LRIG3: variants seen among roughly 807,000 people sequenced by gnomAD.
The protein encoded by LRIG3 is leucine-rich repeats and immunoglobulin-like domains protein 3.
A neutral mutation model predicts 114.5 loss-of-function variants in LRIG3; 76 were observed. That is an observed-to-expected ratio of 0.66 (90% CI 0.55 to 0.80). The LOEUF (loss-of-function observed/expected upper bound fraction) is 0.80. Ranked by LOEUF, LRIG3 falls within the 30% of genes least tolerant of loss-of-function variation. The probability of loss-of-function intolerance (pLI) is 0.00; values close to 1 mark genes in which losing one functional copy is unlikely to be tolerated. For synonymous variants in LRIG3, 512 were observed against 519.8 expected, an observed-to-expected ratio of 0.98 and a Z score of 0.20; for missense variants, 1,239 against 1,382.8, an observed-to-expected ratio of 0.90 and a Z score of 1.65.
chr12:58,887,939 A>G lies in LRIG3; in HGVS notation c.948-7T>C, dbSNP rs1341362200. ...GTGATTGAAAGTTAGGTCCCTGTAA[A>G]GAAAAAAGAGAAAAGCAATAGCTTT... is the stretch of plus-strand genomic sequence containing the variant. On this transcript the variant is annotated splice_region_variant and splice_polypyrimidine_tract_variant and intron_variant, in intron 7 of 18. Coordinates refer to ENST00000320743, the MANE Select transcript of LRIG3 (RefSeq NM_153377.5). The G allele has an allele frequency of 7.5e-6, 12 of 1,603,684 alleles. No individual in the cohort carries two copies. The highest frequency in any genetic ancestry group is 1.3e-5 in the African/African-American group (1 of 74,260).
intron 9 of LRIG3, among the ~76,000 whole-genome samples, chr12:58,886,450 A>T (rs988499046): frequency 1.3e-5 from 2 of 152,060 alleles, no homozygotes; most frequent in African/African-American, 4.8e-5. Context: ...TCATTAAAAA[A>T]ATTCCTACGG....
chr12:58,885,784 C>T, intron 10 of LRIG3, 47 bp downstream of exon 10: 1 of 1,335,844 alleles, frequency 7.5e-7, no homozygotes, highest in Non-Finnish European at 1.0e-6. Flanking sequence ...TAAGTAAAAA[C>T]CATCTTAGAG....
rs17121723 is a variant in LRIG3 at position 58,908,519 on chromosome 12, T to C, written c.383+5463A>G. 1.7e-3 allele frequency among the ~76,000 whole-genome samples: 261 copies of C among 152,344 alleles called. 1 individual carries two copies. Among genetic ancestry groups the C allele is most frequent in the African/African-American group, 5.9e-3 (247 of 41,576 alleles). On this transcript the variant is annotated intron_variant, in intron 3 of 18. Coordinates refer to ENST00000320743, the MANE Select transcript of LRIG3 (RefSeq NM_153377.5). ...GGGCTTTTATTTCCCACCTCATACA[T>C]ACTCCAGGGCATACACTCACCAGCT...
At chr12:58,890,287 T>A in intron 4 of LRIG3, 148 bp from the exon 5 acceptor site, 1 of 874,902 alleles carries the variant, frequency 1.1e-6, no homozygotes, top group African/African-American at 1.7e-5. Flanking sequence ...AGGACAGATG[T>A]TAAGATTCAC....
intron 3 of LRIG3, among the ~76,000 whole-genome samples, chr12:58,898,939 G>A (rs959271281): frequency 6.6e-6 from 1 of 152,046 alleles, no homozygotes; most frequent in Non-Finnish European, 1.5e-5. Flanking sequence ...TTACAGGTGG[G>A]AGCCACCACG....
At chr12:58,879,133 T>C in intron 13 of LRIG3, 28 bp from the exon 14 acceptor site, 1 of 1,588,226 alleles carries the variant, frequency 6.3e-7, no homozygotes, top group Non-Finnish European at 8.6e-7. Flanking sequence ...ATATAGGCAT[T>C]AGCACAGTGG....
chr12:58,901,084 T>G (rs1871831811), intron 3 of LRIG3, among the ~76,000 whole-genome samples: 1 of 152,186 alleles, frequency 6.6e-6, no homozygotes, highest in Non-Finnish European at 1.5e-5. Context: ...CTCAATGTAC[T>G]AAAATATGCT....
At chr12:58,891,280 AT>A (rs1344455574) in intron 3 of LRIG3, among the ~76,000 whole-genome samples, 3 of 151,666 alleles carry the variant, frequency 2.0e-5, no homozygotes, top group Non-Finnish European at 4.4e-5. Flanking sequence ...CATCTCGCTA[AT>A]TTTTTTATAC....
At chr12:58,907,528 T>C (rs1396265317) in intron 3 of LRIG3, among the ~76,000 whole-genome samples, 2 of 152,184 alleles carry the variant, frequency 1.3e-5, no homozygotes, top group Admixed American at 1.3e-4. Flanking sequence ...CTCCAGTCTC[T>C]GCTCCTCTGC....
Position 58,872,465 on chromosome 12 carries a change from T to C in LRIG3, c.*107A>G. The C allele has an allele frequency of 2.3e-6, 3 of 1,283,440 alleles. No individual in the cohort carries two copies. The highest frequency in any genetic ancestry group is 3.1e-6 in the Non-Finnish European group (3 of 976,920). 79.5% of individuals were successfully genotyped at this position (1,283,440 alleles called of 1,614,324 possible). A position where few individuals can be genotyped will look rare whatever the true frequency, so the allele number is the denominator to read the frequency against. On this transcript the variant is annotated 3_prime_UTR_variant, in exon 19 of 19. Transcript: ENST00000320743. ...CATCTGTATAAATAAAGCATTTTTA[T>C]CCTTTTAAAATTCATAACTCCATTT...
chr12:58,906,705 T>C (rs1248569731), intron 3 of LRIG3, among the ~76,000 whole-genome samples: 2 of 152,024 alleles, frequency 1.3e-5, no homozygotes, highest in Non-Finnish European at 2.9e-5. Context: ...TTTCCCTTTG[T>C]GAGAAAAAGA....
At chr12:58,913,783 T>C (rs1872370411) in intron 3 of LRIG3, 199 bp downstream of exon 3, 3 of 546,554 alleles carry the variant, frequency 5.5e-6, no homozygotes, top group Non-Finnish European at 9.6e-6. Context: ...AAGTGTGTTG[T>C]TATAAGAATA....
rs866585895 is a variant in LRIG3, at chr12:58,888,233, T to G, written c.947+96A>C. On this transcript the variant is annotated intron_variant, in intron 7 of 18. Transcript: ENST00000320743. ...GAAAAAAGCTGTCACCTTGGAAACTTTGTTATGAAAATTTCACAGATCAGT... is the reference window on the plus strand; with the variant it reads ...GAAAAAAGCTGTCACCTTGGAAACTGTGTTATGAAAATTTCACAGATCAGT... The G allele has an allele frequency of 2.1e-6, 3 of 1,437,156 alleles. No individual in the cohort carries two copies. The Middle Eastern group carries it at 6.5e-4, about 312-fold the overall frequency. The allele number at this position is 1,437,156 out of a possible 1,614,324, so 89.0% of individuals were successfully genotyped here.
chr12:58,919,230 G>C (rs774299022), intron 1 of LRIG3, among the ~76,000 whole-genome samples: 1 of 152,124 alleles, frequency 6.6e-6, no homozygotes, highest in Non-Finnish European at 1.5e-5. Flanking sequence ...TCACGCAGTT[G>C]GCAGTGATTT....
intron 13 of LRIG3, chr12:58,880,303 AAAAAAAAAAAGAAAAAG>A (rs1219265191): frequency 9.4e-5 from 48 of 508,600 alleles, no homozygotes; most frequent in Middle Eastern, 4.3e-4. Context: ...CCGTCTCAAA[AAAAAAAAAAAGAAAAAG>A]AAAAAAAAAA....
chr12:58,877,978 C>G, intron 14 of LRIG3, 126 bp from the exon 15 acceptor site: 1 of 907,784 alleles, frequency 1.1e-6, no homozygotes, highest in Admixed American at 2.8e-5. Flanking sequence ...ACTGGACACA[C>G]TTTTCTAAGA....
Position 58,872,511 on chromosome 12 carries a change from T to C in LRIG3, c.*61A>G. On this transcript the variant is annotated 3_prime_UTR_variant, in exon 19 of 19. Transcript: ENST00000320743. ...CATTTAAAAAACATAAGATTCTCTC[T>C]CTTTTAAATAAAAGTTCACTTGAGG... 6.8e-7 allele frequency: 1 copy of C among 1,464,164 alleles called. No individual in the cohort carries two copies. Among genetic ancestry groups the C allele is most frequent in the Non-Finnish European group, 9.1e-7 (1 of 1,100,606 alleles). The allele number at this position is 1,464,164 out of a possible 1,614,324, so 90.7% of individuals were successfully genotyped here.
intron 3 of LRIG3, among the ~76,000 whole-genome samples, chr12:58,909,407 C>G (rs1872187916): frequency 6.6e-6 from 1 of 152,182 alleles, no homozygotes; most frequent in South Asian, 2.1e-4. Flanking sequence ...TAGCATTGAT[C>G]ATGAACTGAT....
At chr12:58,874,372 G>T in intron 17 of LRIG3, 42 bp from the exon 18 acceptor site, 1 of 1,608,810 alleles carries the variant, frequency 6.2e-7, no homozygotes, top group South Asian at 1.1e-5. Context: ...ATTACAGTTA[G>T]CACATCTAGA....
Sources: allele counts gnomAD v4.1 joint callset (sites outside exome capture counted in the v4.1 genomes callset), GRCh38; gene constraint gnomAD v4.1.1; transcripts MANE v1.5; gene names NCBI Gene and HGNC (gene_info 2026-07-23, HGNC 2026-07-21).